The following NLGN1 variants were observed in gnomAD, a reference collection of about 807,000 sequenced individuals.
NLGN1 encodes the protein neuroligin 1, also known as neuroligin-1.
In NLGN1, 12 loss-of-function variants were observed where a neutral mutation model predicts 65.5. The observed-to-expected ratio is 0.18, with a 90% CI of 0.12 to 0.30. The LOEUF (loss-of-function observed/expected upper bound fraction) is 0.30. Among genes scored for constraint, NLGN1 ranks in the 10% least tolerant of loss-of-function variants. NLGN1 has a pLI of 1.00. For missense variants in NLGN1, 750 were observed against 1,007.1 expected (o/e 0.74, Z 3.46); for synonymous variants, 350 against 359.5 (o/e 0.97, Z 0.30).
intron 4 of NLGN1, among the ~76,000 whole-genome samples, chr3:174,220,759 G>A (rs1011035560): frequency 6.6e-6 from 1 of 152,044 alleles, no homozygotes; most frequent in Admixed American, 6.6e-5. Context: ...CCCTGTACCT[G>A]AATTATAGCC....
intron 2 of NLGN1, among the ~76,000 whole-genome samples, chr3:173,575,320 G>C (rs1420898591): frequency 6.6e-6 from 1 of 152,180 alleles, no homozygotes; most frequent in Non-Finnish European, 1.5e-5. Flanking sequence ...ATGGAATCTT[G>C]TTTGAAAACC....
chr3:173,600,540 A>T (rs1206731947), intron 2 of NLGN1, among the ~76,000 whole-genome samples: 22 of 19,762 alleles, frequency 1.1e-3, no homozygotes, highest in Admixed American at 9.0e-3. Context: ...TTCAACAAGA[A>T]AACAAATAAA....
At position 173,662,872 on chromosome 3, in the gene NLGN1, A is replaced by G. The variant is rs373000021; in HGVS notation, c.493+57781A>G. Among the ~76,000 whole-genome samples, 15 of 152,138 alleles carry G rather than the reference A, an allele frequency of 9.9e-5. No individual in the cohort carries two copies. In the East Asian group the frequency reaches 1.4e-3, roughly 14 times the overall value. ...CAAAATTTTCCTGCCCAAAATGTCA[A>G]CAGTATACTTTTCCATAGGTATTTG... On this transcript the variant is annotated intron_variant, in intron 3 of 6. Coordinates refer to ENST00000457714, the Ensembl canonical transcript of NLGN1.
chr3:174,245,893 G>A (rs548521075), intron 4 of NLGN1, among the ~76,000 whole-genome samples: 2 of 152,128 alleles, frequency 1.3e-5, no homozygotes, highest in African/African-American at 2.4e-5. Context: ...ACATATTGTG[G>A]AAGTTAATTG....
chr3:173,632,509 TACTC>T (rs1755845979), intron 3 of NLGN1, among the ~76,000 whole-genome samples: 1 of 152,194 alleles, frequency 6.6e-6, no homozygotes, highest in African/African-American at 2.4e-5. Flanking sequence ...AACATACACA[TACTC>T]AAAGAATGAG....
At chr3:173,985,480 A>G (rs1719687035) in intron 4 of NLGN1, among the ~76,000 whole-genome samples, 1 of 152,156 alleles carries the variant, frequency 6.6e-6, no homozygotes, top group East Asian at 1.9e-4. Flanking sequence ...AACAGAAAGC[A>G]TTTTGGTTTT....
At chr3:173,880,756 AAAGT>A (rs1306505963) in intron 4 of NLGN1, among the ~76,000 whole-genome samples, 2 of 152,080 alleles carry the variant, frequency 1.3e-5, no homozygotes, top group Non-Finnish European at 2.9e-5. Flanking sequence ...GCAATTTCTT[AAAGT>A]AAGACAACAA....
chr3:174,270,975 A>C (rs1234629944), intron 4 of NLGN1, among the ~76,000 whole-genome samples: 2 of 151,844 alleles, frequency 1.3e-5, no homozygotes, highest in African/African-American at 4.8e-5. Context: ...TCATGTCTGC[A>C]AGGCTGGCTC....
intron 3 of NLGN1, among the ~76,000 whole-genome samples, chr3:173,774,987 T>C (rs1240829547): frequency 1.3e-5 from 2 of 152,156 alleles, no homozygotes; most frequent in Non-Finnish European, 2.9e-5. Context: ...TACATTATAA[T>C]TGAATCTTCT....
At chr3:173,920,659 T>TGAGCTCATAACAC (rs1741813263) in intron 4 of NLGN1, 1 of 152,158 alleles carries the variant, frequency 6.6e-6, no homozygotes, top group South Asian at 2.1e-4. Context: ...CTATTTAAGG[T>TGAGCTCATAACAC]TCACAACCCC....
chr3:173,697,456 AT>A (rs937366468), intron 3 of NLGN1, among the ~76,000 whole-genome samples: 30 of 152,238 alleles, frequency 2.0e-4, no homozygotes, highest in Middle Eastern at 3.4e-3. Flanking sequence ...TTGTGAAAGG[AT>A]TTTTAAAAAC....
At chr3:173,605,789 T>C (rs192814805) in intron 3 of NLGN1, among the ~76,000 whole-genome samples, 196 bp downstream of exon 3, 13 of 152,168 alleles carry the variant, frequency 8.5e-5, no homozygotes, top group African/African-American at 3.1e-4. Context: ...CAAAGCTCAT[T>C]GGTTGTGCCT....
chr3:174,118,826 T>G (rs1398169724), intron 4 of NLGN1, among the ~76,000 whole-genome samples: 2 of 152,198 alleles, frequency 1.3e-5, no homozygotes, highest in African/African-American at 4.8e-5. Context: ...TATTACATAC[T>G]AAAGGTCATA....
chr3:173,616,756 T>C (rs1753166276), intron 3 of NLGN1, among the ~76,000 whole-genome samples: 1 of 152,192 alleles, frequency 6.6e-6, no homozygotes, highest in Non-Finnish European at 1.5e-5. Context: ...AATAGCCTCT[T>C]AACAGTTCTT....
chr3:173,703,581 G>C (rs1767587800), intron 3 of NLGN1, among the ~76,000 whole-genome samples: 2 of 152,112 alleles, frequency 1.3e-5, no homozygotes, highest in South Asian at 4.1e-4. Context: ...GCTTAAAATT[G>C]CTTCCAAAAA....
In NLGN1 at chr3:173,521,162, A is replaced by AACCT. The variant is rs1392047931; in HGVS notation, c.-320-83116_-320-83113dup. ...GGAGACTGTATATCTAGTATTTAATAACCTGCTGCTGAATGCATGGCAGAC... is the reference window on the plus strand; with the variant it reads ...GGAGACTGTATATCTAGTATTTAATAACCTACCTGCTGCTGAATGCATGGCAGAC... On this transcript the variant is annotated intron_variant, in intron 2 of 6. Transcript: ENST00000457714. Among the ~76,000 whole-genome samples, 26 of 152,348 alleles carry AACCT rather than the reference A, an allele frequency of 1.7e-4. No individual in the cohort carries two copies. The East Asian group carries it at 2.1e-3, about 12-fold the overall frequency.
chr3:173,572,505 A>G (rs1323726804), intron 2 of NLGN1, among the ~76,000 whole-genome samples: 1 of 152,228 alleles, frequency 6.6e-6, no homozygotes, highest in East Asian at 1.9e-4. Context: ...AATTTCCAAT[A>G]TTGCTTGCAA....
chr3:173,474,558 G>A (rs542074241), intron 2 of NLGN1, among the ~76,000 whole-genome samples: 1 of 152,126 alleles, frequency 6.6e-6, no homozygotes, highest in South Asian at 2.1e-4. Flanking sequence ...CTAATATGAG[G>A]TTATTCTGAC....
chr3:173,815,930 T>C (rs969007726), intron 4 of NLGN1, among the ~76,000 whole-genome samples: 1 of 151,414 alleles, frequency 6.6e-6, no homozygotes, highest in Non-Finnish European at 1.5e-5. Flanking sequence ...TAAGTTATAA[T>C]ATTATTATGT....
Sources: allele counts gnomAD v4.1 joint callset (sites outside exome capture counted in the v4.1 genomes callset), GRCh38; gene constraint gnomAD v4.1.1; transcripts MANE v1.5; gene names NCBI Gene and HGNC (gene_info 2026-07-23, HGNC 2026-07-21).